Variants in MGMT observed in about 807,000 individuals in gnomAD.
The protein encoded by MGMT is O-6-methylguanine-DNA methyltransferase.
A neutral mutation model predicts 15.9 loss-of-function variants in MGMT; 14 were observed. That is an observed-to-expected ratio of 0.88 (90% CI 0.58 to 1.37). MGMT has a LOEUF of 1.37. MGMT is among the 40% of genes most tolerant of loss of function. The probability of loss-of-function intolerance (pLI) is 0.00; values close to 1 mark genes in which losing one functional copy is unlikely to be tolerated. For missense variants in MGMT, 282 were observed against 268.1 expected, an observed-to-expected ratio of 1.05 and a Z score of -0.36; for synonymous variants, 130 against 118.2, an observed-to-expected ratio of 1.10 and a Z score of -0.65.
intron 2 of MGMT, among the ~76,000 whole-genome samples, chr10:129,606,086 A>G (rs970069645): frequency 6.6e-6 from 1 of 152,218 alleles, no homozygotes; most frequent in African/African-American, 2.4e-5. Context: ...ACAACGTAGT[A>G]TTCATAACAA....
chr10:129,581,248 C>T (rs1846552356), intron 2 of MGMT, among the ~76,000 whole-genome samples: 1 of 152,124 alleles, frequency 6.6e-6, no homozygotes, highest in Non-Finnish European at 1.5e-5. Flanking sequence ...TGGCTGAGTT[C>T]TGCTTTCCTG....
At chr10:129,737,545 C>T (rs1848578155) in intron 3 of MGMT, among the ~76,000 whole-genome samples, 1 of 152,226 alleles carries the variant, frequency 6.6e-6, no homozygotes, top group African/African-American at 2.4e-5. Flanking sequence ...AAGCCTTCTT[C>T]TCTCAACTCG....
intron 2 of MGMT, among the ~76,000 whole-genome samples, chr10:129,651,727 T>C (rs762646616): frequency 6.9e-4 from 105 of 152,202 alleles, no homozygotes; most frequent in Non-Finnish European, 1.8e-4. Flanking sequence ...ACAGATGTTT[T>C]TCATTTCGTA....
chr10:129,575,650 C>G (rs1846472632), intron 2 of MGMT, among the ~76,000 whole-genome samples: 1 of 147,952 alleles, frequency 6.8e-6, no homozygotes. Flanking sequence ...CAAACACATT[C>G]AAAAGCTAGC....
intron 2 of MGMT, among the ~76,000 whole-genome samples, chr10:129,565,880 T>G (rs117379574): frequency 0.033 from 4,939 of 151,638 alleles, 130 homozygotes; most frequent in South Asian, 0.064. Context: ...TTTCCAGAGG[T>G]CCTGGTGCTT....
At chr10:129,509,633 C>G (rs1341418136) in intron 1 of MGMT, among the ~76,000 whole-genome samples, 1 of 152,190 alleles carries the variant, frequency 6.6e-6, no homozygotes, top group Non-Finnish European at 1.5e-5. Context: ...CGTGTATTTT[C>G]CAGTTTAACC....
chr10:129,557,517 G>A (rs556253), intron 2 of MGMT, among the ~76,000 whole-genome samples: 62,343 of 151,978 alleles, frequency 0.41, 13,330 homozygotes, highest in East Asian at 0.63. Context: ...TAATAACCTA[G>A]GACCTTAAAA....
rs182727765 is a variant in MGMT, at chr10:129,761,110, T to C, written c.414+1769T>C. Among the ~76,000 whole-genome samples the C allele has an allele frequency of 3.4e-4, 52 of 152,322 alleles. 2 individuals are homozygous for C. Among genetic ancestry groups the C allele is most frequent in the Middle Eastern group, 6.8e-3 (2 of 294 alleles). ...GTCAATTTTGAGGTGTTCAACCTGATGAAAAGGCAGCTCAGATGCTGTTGT... is the reference window on the plus strand; with the variant it reads ...GTCAATTTTGAGGTGTTCAACCTGACGAAAAGGCAGCTCAGATGCTGTTGT... On this transcript the variant is annotated intron_variant, in intron 4 of 4. Transcript: ENST00000651593.
chr10:129,766,793 C>A lies in MGMT; in HGVS notation c.420C>A (p.Pro140=). 1 of 1,612,414 alleles carries A rather than the reference C, an allele frequency of 6.2e-7. No homozygotes were observed. Among genetic ancestry groups the A allele is most frequent in the East Asian group, 2.2e-5 (1 of 44,860 alleles). ...VGGAMRGNPV[P]ILIPCHRVVC... ...GCTGCCCCCCTGTCTTCCAGGTCCC[C>A]ATCCTCATCCCGTGCCACAGAGTGG... is the stretch of plus-strand genomic sequence containing the variant. Residue 140 remains proline, a synonymous_variant, in exon 5 of 5, where the codon CCC becomes CCA. Coordinates refer to ENST00000651593, the MANE Select transcript of MGMT (RefSeq NM_002412.5).
At chr10:129,620,922 A>G (rs544359469) in intron 2 of MGMT, among the ~76,000 whole-genome samples, 7 of 151,958 alleles carry the variant, frequency 4.6e-5, no homozygotes, top group African/African-American at 1.2e-4. Flanking sequence ...ATTTCATTTT[A>G]TAATTACTAT....
At chr10:129,640,974 T>A (rs1408577204) in intron 2 of MGMT, among the ~76,000 whole-genome samples, 1 of 152,172 alleles carries the variant, frequency 6.6e-6, no homozygotes, top group Non-Finnish European at 1.5e-5. Flanking sequence ...AAATCAGAAA[T>A]AAGACAAAGA....
At chr10:129,721,932 A>G (rs919017924) in intron 3 of MGMT, among the ~76,000 whole-genome samples, 2 of 152,142 alleles carry the variant, frequency 1.3e-5, no homozygotes, top group Non-Finnish European at 2.9e-5. Flanking sequence ...TAATAATTAC[A>G]TTAAATGTAA....
At chr10:129,740,073 G>A (rs1190044841) in intron 3 of MGMT, among the ~76,000 whole-genome samples, 1 of 152,224 alleles carries the variant, frequency 6.6e-6, no homozygotes, top group Admixed American at 6.5e-5. Flanking sequence ...TGTTTAAAAC[G>A]TTGTGTATTT....
At chr10:129,604,367 G>GA (rs952780143) in intron 2 of MGMT, among the ~76,000 whole-genome samples, 2 of 151,422 alleles carry the variant, frequency 1.3e-5, no homozygotes, top group African/African-American at 2.4e-5. Context: ...TTTATCTTCT[G>GA]AAAAAAAAAT....
intron 3 of MGMT, among the ~76,000 whole-genome samples, chr10:129,732,804 A>G (rs376111024): frequency 1.4e-5 from 2 of 144,556 alleles, no homozygotes; most frequent in Non-Finnish European, 3.0e-5. Flanking sequence ...GAGAATATGC[A>G]GTGTTTGGTT....
intron 2 of MGMT, among the ~76,000 whole-genome samples, chr10:129,590,987 G>A (rs1481164820): frequency 6.6e-6 from 1 of 152,206 alleles, no homozygotes; most frequent in Non-Finnish European, 1.5e-5. Flanking sequence ...TGAAAATGAC[G>A]TAGTCGTTGG....
chr10:129,557,596 A>T (rs1244959656), intron 2 of MGMT, among the ~76,000 whole-genome samples: 1 of 152,216 alleles, frequency 6.6e-6, no homozygotes, highest in African/African-American at 2.4e-5. Context: ...GTTTCAAATT[A>T]GATAATGCAG....
At chr10:129,537,787 T>C (rs1407440711) in intron 2 of MGMT, among the ~76,000 whole-genome samples, 1 of 152,208 alleles carries the variant, frequency 6.6e-6, no homozygotes, top group Non-Finnish European at 1.5e-5. Flanking sequence ...AAATCCTGAA[T>C]AGGATCTGGC....
chr10:129,755,121 T>C (rs1282345695), intron 3 of MGMT, among the ~76,000 whole-genome samples: 1 of 152,250 alleles, frequency 6.6e-6, no homozygotes, highest in Non-Finnish European at 1.5e-5. Flanking sequence ...ACGTAGCTGC[T>C]CTGTGCCTTC....
Sources: gnomAD v4.1 joint callset for allele counts (sites outside exome capture counted in the v4.1 genomes callset) on GRCh38, gnomAD v4.1.1 for gene constraint, MANE v1.5 for transcripts, NCBI Gene and HGNC (gene_info 2026-07-23, HGNC 2026-07-21) for gene names.